The following KCTD19 variants were observed in gnomAD, a reference collection of about 807,000 sequenced individuals.
The protein encoded by KCTD19 is potassium channel tetramerization domain containing 19.
Under a neutral mutation model 103.5 loss-of-function variants are expected in KCTD19, and 67 were observed. That is an observed-to-expected ratio of 0.65 (90% confidence interval 0.53 to 0.79). KCTD19 has a LOEUF of 0.79. KCTD19 is among the 30% of genes least tolerant of loss of function. The pLI, the probability that KCTD19 is intolerant of heterozygous loss-of-function variation, is 0.00. For synonymous variants in KCTD19, 439 were observed against 452.2 expected, an observed-to-expected ratio of 0.97 and a Z score of 0.37; for missense variants, 980 against 1,136.1, an observed-to-expected ratio of 0.86 and a Z score of 1.98.
chr16:67,301,690 C>A, intron 5 of KCTD19, 101 bp downstream of exon 5: 1 of 1,121,884 alleles, frequency 8.9e-7, no homozygotes. Flanking sequence ...CTCTCACTAA[C>A]CCCCAAAGCC....
At chr16:67,326,576 TGG>T in intron 1 of KCTD19, 127 bp downstream of exon 1, 1 of 1,296,548 alleles carries the variant, frequency 7.7e-7, no homozygotes, top group Non-Finnish European at 1.0e-6. Context: ...CCTTCCCGGC[TGG>T]GGGCCCCTCG....
Position 67,289,619 on chromosome 16 carries a change from A to G in KCTD19, c.2731T>C (p.Ser911Pro). ...AGGATGGAGTAAGAGACAGACCTAG[A>G]CAGGCCCCTCTGGATGAGCAGGTCC... ...CMDLLIQRGL[S>P]RSVSYSILGK... The change falls in exon 16 of 16, where the codon TCT becomes CCT. Residue 911 changes from serine (S) to proline (P), a missense_variant. By Grantham distance (74) the Ser-to-Pro change is moderately conservative (BLOSUM62 -1). Transcript: ENST00000304372. The G allele has an allele frequency of 1.2e-6, 2 of 1,614,106 alleles. No individual in the cohort carries two copies. The highest frequency in any genetic ancestry group is 1.7e-6 in the Non-Finnish European group (2 of 1,180,004).
chr16:67,294,271 C>T (rs527316881), intron 11 of KCTD19, 100 bp from the exon 12 acceptor site: 47 of 1,262,660 alleles, frequency 3.7e-5, no homozygotes, highest in Non-Finnish European at 5.1e-5. Context: ...TTCACTTGCT[C>T]TCCCTGAACA....
chr16:67,322,074 G>A (rs1331793285), intron 1 of KCTD19: 2 of 152,122 alleles, frequency 1.3e-5, no homozygotes, highest in Non-Finnish European at 2.9e-5. Context: ...GAATAGAATT[G>A]AGAGTACAGA....
intron 7 of KCTD19, among the ~76,000 whole-genome samples, chr16:67,297,214 A>G (rs1270233054): frequency 6.6e-6 from 1 of 152,130 alleles, no homozygotes; most frequent in East Asian, 1.9e-4. Flanking sequence ...TGGCTGTGAG[A>G]AGCACAGCAA....
chr16:67,295,480 T>A, intron 8 of KCTD19, 75 bp from the exon 9 acceptor site: 1 of 1,392,616 alleles, frequency 7.2e-7, no homozygotes, highest in Non-Finnish European at 9.9e-7. Flanking sequence ...CTTCTCTCAC[T>A]CCCCTTTTCC....
rs572214166 is a variant in KCTD19, at chr16:67,293,437, G to A, written c.2218+107C>T. 7.0e-5 allele frequency: 85 copies of A among 1,217,132 alleles called. No individual in the cohort carries two copies. Among genetic ancestry groups the A allele is most frequent in the Admixed American group, 2.1e-4 (10 of 46,850 alleles). 75.4% of individuals were successfully genotyped at this position (1,217,132 alleles called of 1,614,324 possible). A position where few individuals can be genotyped will look rare whatever the true frequency, so the allele number is the denominator to read the frequency against. ...TGGCACAGAGATGGCATTGGTGAGC[G>A]GGGGGGTCTAGTCCTCCTTTGTCAC... is the stretch of plus-strand genomic sequence containing the variant. On this transcript the variant is annotated intron_variant, in intron 12 of 15. Coordinates refer to ENST00000304372, the MANE Select transcript of KCTD19 (RefSeq NM_001100915.3). The surrounding 1 kb of genome is among the most constrained non-coding windows in gnomAD (Gnocchi z 4.0).
chr16:67,294,322 A>G, intron 11 of KCTD19, 151 bp from the exon 12 acceptor site: 1 of 917,732 alleles, frequency 1.1e-6, no homozygotes, highest in South Asian at 1.6e-5. Context: ...AGCTTTGCTC[A>G]GGCTGAGTGG....
Position 67,301,643 on chromosome 16 carries a change from C to T in KCTD19, c.775+148G>A. The T allele has an allele frequency of 3.9e-6, 3 of 766,810 alleles. No homozygotes were observed. In the South Asian group the frequency reaches 5.2e-5, roughly 13 times the overall value. 47.5% of individuals were successfully genotyped at this position (766,810 alleles called of 1,614,324 possible). On this transcript the variant is annotated intron_variant, in intron 5 of 15. Coordinates refer to ENST00000304372, the MANE Select transcript of KCTD19 (RefSeq NM_001100915.3). ...CACACAGGGTTTCAGGCTGTGAATCCTCTTCTTGGATTCAGAGTCAGCCAG... is the reference window on the plus strand; with the variant it reads ...CACACAGGGTTTCAGGCTGTGAATCTTCTTCTTGGATTCAGAGTCAGCCAG...
At chr16:67,290,240 C>T (rs1186564687) in intron 15 of KCTD19, among the ~76,000 whole-genome samples, 2 of 134,596 alleles carry the variant, frequency 1.5e-5, no homozygotes, top group Non-Finnish European at 1.5e-5. Context: ...TGCAGTGGCA[C>T]GATCTCGGCT....
intron 2 of KCTD19, chr16:67,305,586 C>G (rs1209875515): frequency 2.2e-6 from 1 of 455,682 alleles, no homozygotes; most frequent in African/African-American, 2.0e-5. Flanking sequence ...CGCCCTTACC[C>G]AGGGACCCAT....
intron 10 of KCTD19, 60 bp from the exon 11 acceptor site, chr16:67,294,754 T>A: frequency 8.0e-7 from 1 of 1,249,272 alleles, no homozygotes; most frequent in Non-Finnish European, 1.2e-6. Context: ...CATTGGCCAG[T>A]TGGTCAGATC....
chr16:67,310,963 G>A (rs957854809), intron 2 of KCTD19, among the ~76,000 whole-genome samples: 2 of 152,170 alleles, frequency 1.3e-5, no homozygotes, highest in Admixed American at 6.5e-5. Flanking sequence ...CAAATAAGAC[G>A]CAGCTTTCGG....
chr16:67,318,739 C>T (rs2037039555), intron 2 of KCTD19, among the ~76,000 whole-genome samples: 1 of 151,970 alleles, frequency 6.6e-6, no homozygotes, highest in Non-Finnish European at 1.5e-5. Flanking sequence ...TACTCCCTCC[C>T]TTCTACCTCA....
intron 1 of KCTD19, among the ~76,000 whole-genome samples, chr16:67,325,356 G>A (rs1286942227): frequency 6.7e-6 from 1 of 148,872 alleles, no homozygotes; most frequent in Non-Finnish European, 1.5e-5. Flanking sequence ...GGGACTACAG[G>A]CGCCCGCCAC....
intron 8 of KCTD19, 114 bp from the exon 9 acceptor site, chr16:67,295,519 T>C (rs1429221302): frequency 1.0e-6 from 1 of 991,346 alleles, no homozygotes; most frequent in Non-Finnish European, 1.5e-6. Context: ...GCTTTGAGAT[T>C]CCATTTCCCT....
intron 2 of KCTD19, among the ~76,000 whole-genome samples, chr16:67,307,172 A>T (rs529937348): frequency 6.6e-6 from 1 of 151,814 alleles, no homozygotes; most frequent in Non-Finnish European, 1.5e-5. Flanking sequence ...TTTTTGAGAC[A>T]GAGTCACACT....
Position 67,304,568 on chromosome 16 carries a change from G to T in KCTD19, c.304C>A (p.Leu102Ile), listed in dbSNP as rs2036871755. 1 of 1,612,542 alleles carries T rather than the reference G, an allele frequency of 6.2e-7. No individual in the cohort carries two copies. Among genetic ancestry groups the T allele is most frequent in the Non-Finnish European group, 8.5e-7 (1 of 1,178,600 alleles). The change falls in exon 3 of 16, where the codon CTA (leucine) becomes ATA (isoleucine). Residue 102 changes from leucine (L) to isoleucine (I), a missense_variant. Coordinates refer to ENST00000304372, the MANE Select transcript of KCTD19 (RefSeq NM_001100915.3). ...GLQLMPLLQT[L>I]DNLKEGKHHL... is the part of the protein sequence containing the mutation. ...TGTTTCCCTTCCTTCAGGTTATCTA[G>T]AGTCTGTTAGATAATGAAGAGTACT...
At chr16:67,295,703 C>A in intron 8 of KCTD19, 1 of 349,676 alleles carries the variant, frequency 2.9e-6, no homozygotes, top group Non-Finnish European at 5.3e-6. Context: ...TATGCAAACT[C>A]TGGAGGGCCT....
Sources: allele counts gnomAD v4.1 joint callset (sites outside exome capture counted in the v4.1 genomes callset), GRCh38; gene constraint gnomAD v4.1.1; non-coding constraint Gnocchi (gnomAD v3.1); transcripts MANE v1.5; gene names NCBI Gene and HGNC (gene_info 2026-07-23, HGNC 2026-07-21).